The following ADGRB3 variants were observed in gnomAD, a reference collection of about 807,000 sequenced individuals.
ADGRB3 encodes the protein adhesion G protein-coupled receptor B3, also known as brain-specific angiogenesis inhibitor 3.
In ADGRB3, 37 loss-of-function variants were observed where a neutral mutation model predicts 193.4. The ratio of observed to expected loss-of-function variants is 0.19; its 90% CI spans 0.15 to 0.25. The LOEUF (loss-of-function observed/expected upper bound fraction) is 0.25. Ranked by LOEUF, ADGRB3 falls within the 10% of genes least tolerant of loss-of-function variation. The pLI is 1.00. For missense variants in ADGRB3, 1,637 were observed against 1,852.9 expected (o/e 0.88, Z 2.14); for synonymous variants, 690 against 644.2 (o/e 1.07, Z -1.08).
chr6:68,774,762 A>T (rs1447890232), intron 3 of ADGRB3, among the ~76,000 whole-genome samples: 2 of 152,090 alleles, frequency 1.3e-5, no homozygotes, highest in African/African-American at 2.4e-5. Flanking sequence ...CTTCCAAAAT[A>T]TGTTATTATA....
intron 3 of ADGRB3, among the ~76,000 whole-genome samples, chr6:68,668,352 T>A (rs1768851041): frequency 6.6e-6 from 1 of 151,976 alleles, no homozygotes; most frequent in African/African-American, 2.4e-5. Flanking sequence ...AAAATGTAGA[T>A]TTTAGCCCTT....
At chr6:69,086,303 T>C (rs983283407) in intron 17 of ADGRB3, among the ~76,000 whole-genome samples, 3 of 152,126 alleles carry the variant, frequency 2.0e-5, no homozygotes, top group Non-Finnish European at 4.4e-5. Context: ...CTCTCTCTAC[T>C]TTGTACAAGT....
chr6:69,252,845 G>C, intron 20 of ADGRB3, among the ~76,000 whole-genome samples: 1 of 151,994 alleles, frequency 6.6e-6, no homozygotes, highest in East Asian at 1.9e-4. Context: ...CACCATAAAA[G>C]ATCTTCATTA....
chr6:68,662,852 A>T (rs545325961), intron 3 of ADGRB3, among the ~76,000 whole-genome samples: 1 of 151,252 alleles, frequency 6.6e-6, no homozygotes, highest in Non-Finnish European at 1.5e-5. Flanking sequence ...CTATTTTGGA[A>T]CTACTCACTT....
chr6:68,966,565 T>C lies in ADGRB3; in HGVS notation c.1526-8198T>C, dbSNP rs185158844. On this transcript the variant is annotated intron_variant, in intron 8 of 31. Transcript: ENST00000370598. ...CCAGGACACACTCTCCCCTTCTTCA[T>C]TGGTGGAAGTCCTGCTTCTCCTTTA... 7.6e-4 allele frequency among the ~76,000 whole-genome samples: 115 copies of C among 152,238 alleles called. 3 individuals are homozygous for C. Among genetic ancestry groups the C allele is most frequent in the African/African-American group, 2.7e-3 (111 of 41,554 alleles).
rs902578961 is a variant in ADGRB3, at chr6:69,232,641, A to T, written c.2481-649A>T. ...AGTAGGAAGCTTAGGTCTGAAACCCACCCCTCCCCTGGATACCAGGCAAAG... is the reference window on the plus strand; with the variant it reads ...AGTAGGAAGCTTAGGTCTGAAACCCTCCCCTCCCCTGGATACCAGGCAAAG... On this transcript the variant is annotated intron_variant, in intron 17 of 31. Coordinates refer to ENST00000370598, the MANE Select transcript of ADGRB3 (RefSeq NM_001704.3). 15 of 1,533,056 alleles carry T rather than the reference A, an allele frequency of 9.8e-6. No individual in the cohort carries two copies. In the Admixed American group the frequency reaches 1.2e-4, roughly 12 times the overall value. 95.0% of individuals were successfully genotyped at this position (1,533,056 alleles called of 1,614,324 possible). A position where few individuals can be genotyped will look rare whatever the true frequency, so the allele number is the denominator to read the frequency against.
chr6:69,339,667 G>A (rs1268713959), intron 26 of ADGRB3, among the ~76,000 whole-genome samples, 163 bp downstream of exon 26: 4 of 152,132 alleles, frequency 2.6e-5, no homozygotes, highest in Non-Finnish European at 4.4e-5. Context: ...ACACAGCTTG[G>A]GAGAGCCCCC....
intron 20 of ADGRB3, among the ~76,000 whole-genome samples, chr6:69,259,969 TTTTG>T (rs1170910947): frequency 6.6e-6 from 1 of 152,088 alleles, no homozygotes; most frequent in African/African-American, 2.4e-5. Flanking sequence ...TTAAAGAAAA[TTTTG>T]TTTAACACAA....
At chr6:69,021,089 C>T (rs1770250228) in intron 13 of ADGRB3, among the ~76,000 whole-genome samples, 1 of 151,866 alleles carries the variant, frequency 6.6e-6, no homozygotes, top group Non-Finnish European at 1.5e-5. Flanking sequence ...ATCCAACAGT[C>T]TGCTCATTAT....
intron 20 of ADGRB3, among the ~76,000 whole-genome samples, chr6:69,284,315 A>C (rs920912115): frequency 1.3e-5 from 2 of 152,054 alleles, no homozygotes; most frequent in African/African-American, 4.8e-5. Context: ...TTTCCACTAC[A>C]TTTGTAGTCC....
At chr6:68,752,712 G>T (rs1033225464) in intron 3 of ADGRB3, among the ~76,000 whole-genome samples, 1 of 152,156 alleles carries the variant, frequency 6.6e-6, no homozygotes, top group African/African-American at 2.4e-5. Context: ...CTGAGCTGTT[G>T]GGGTTAAGTT....
At chr6:69,015,664 CTG>C (rs1770066715) in intron 12 of ADGRB3, among the ~76,000 whole-genome samples, 1 of 151,876 alleles carries the variant, frequency 6.6e-6, no homozygotes, top group South Asian at 2.1e-4. Flanking sequence ...GAACAGACCT[CTG>C]TGTACGTTTG....
At chr6:68,695,574 G>A (rs1046719697) in intron 3 of ADGRB3, among the ~76,000 whole-genome samples, 4 of 152,020 alleles carry the variant, frequency 2.6e-5, no homozygotes, top group Admixed American at 6.6e-5. Context: ...CTTGTGATGG[G>A]GAAGGGCCCC....
Position 69,061,757 on chromosome 6 carries a change from T to C in ADGRB3, c.2334-1177T>C, listed in dbSNP as rs534661184. 1.6e-3 allele frequency among the ~76,000 whole-genome samples: 70 copies of C among 44,126 alleles called. 1 individual carries two copies. In the South Asian group the frequency reaches 0.059, roughly 37 times the overall value. The allele number at this position is 44,126 out of a possible 152,430, so 28.9% of individuals were successfully genotyped here. A position where few individuals can be genotyped will look rare whatever the true frequency, so the allele number is the denominator to read the frequency against. On this transcript the variant is annotated intron_variant, in intron 15 of 31. Coordinates refer to ENST00000370598, the MANE Select transcript of ADGRB3 (RefSeq NM_001704.3). ...TAGATGAATCTCAAAAATGTTATGC[T>C]AAATGAATTAAGTTAAAATTAAAAC...
At chr6:69,062,301 A>G (rs1300559270) in intron 15 of ADGRB3, among the ~76,000 whole-genome samples, 1 of 151,868 alleles carries the variant, frequency 6.6e-6, no homozygotes, top group Non-Finnish European at 1.5e-5. Flanking sequence ...AATAACTTAA[A>G]CTTCTTTGTA....
chr6:69,092,768 G>C (rs10455682), intron 17 of ADGRB3, among the ~76,000 whole-genome samples: 26,477 of 152,104 alleles, frequency 0.17, 4,213 homozygotes, highest in East Asian at 0.81. Flanking sequence ...AATGATACCT[G>C]AATTGGTTTG....
intron 3 of ADGRB3, among the ~76,000 whole-genome samples, chr6:68,656,316 C>T (rs1768489255): frequency 6.6e-6 from 1 of 151,488 alleles, no homozygotes; most frequent in African/African-American, 2.4e-5. Context: ...ATTAGAAAAC[C>T]ACCTTCTGGA....
chr6:69,102,657 C>T (rs1353914658), intron 17 of ADGRB3, among the ~76,000 whole-genome samples: 9 of 152,100 alleles, frequency 5.9e-5, no homozygotes, highest in Non-Finnish European at 2.9e-5. Context: ...GTAGAACTGG[C>T]GGAGCCCAAG....
At chr6:68,981,255 C>T (rs1304182505) in intron 10 of ADGRB3, among the ~76,000 whole-genome samples, 1 of 151,608 alleles carries the variant, frequency 6.6e-6, no homozygotes, top group Non-Finnish European at 1.5e-5. Flanking sequence ...CAGAACCTAT[C>T]TGTTAGAATT....
Sources: allele counts gnomAD v4.1 joint callset (sites outside exome capture counted in the v4.1 genomes callset), GRCh38; gene constraint gnomAD v4.1.1; transcripts MANE v1.5; gene names NCBI Gene and HGNC (gene_info 2026-07-23, HGNC 2026-07-21).